MGMT: variants seen among roughly 807,000 people sequenced by gnomAD.
MGMT encodes the protein O-6-methylguanine-DNA methyltransferase.
Under a neutral mutation model 15.9 loss-of-function variants are expected in MGMT, and 14 were observed. That is an observed-to-expected ratio of 0.88 (90% CI 0.58 to 1.37). The LOEUF (loss-of-function observed/expected upper bound fraction) is 1.37. Ranked by LOEUF, MGMT falls within the 40% of genes most tolerant of loss-of-function variation. The pLI, the probability that MGMT is intolerant of heterozygous loss-of-function variation, is 0.00. For missense variants in MGMT, 282 were observed against 268.1 expected (o/e 1.05, Z -0.36); for synonymous variants, 130 against 118.2 (o/e 1.10, Z -0.65).
At chr10:129,671,120 C>G (rs1847717207) in intron 2 of MGMT, among the ~76,000 whole-genome samples, 1 of 152,180 alleles carries the variant, frequency 6.6e-6, no homozygotes, top group Non-Finnish European at 1.5e-5. Context: ...AGCTGGCTGT[C>G]AAACACACCC....
chr10:129,696,715 C>T (rs908533236), intron 2 of MGMT, among the ~76,000 whole-genome samples: 22 of 152,198 alleles, frequency 1.4e-4, no homozygotes, highest in African/African-American at 5.1e-4. Flanking sequence ...TGTGCTGGGT[C>T]GGAGCCGAGG....
At chr10:129,642,223 G>C (rs946947574) in intron 2 of MGMT, among the ~76,000 whole-genome samples, 1 of 152,066 alleles carries the variant, frequency 6.6e-6, no homozygotes, top group Non-Finnish European at 1.5e-5. Flanking sequence ...GCGGGCGGGC[G>C]GGCGTAGGGG....
At chr10:129,683,284 A>G (rs1214401817) in intron 2 of MGMT, among the ~76,000 whole-genome samples, 1 of 152,232 alleles carries the variant, frequency 6.6e-6, no homozygotes, top group Non-Finnish European at 1.5e-5. Flanking sequence ...TTGTAATGAA[A>G]GTGAGCCCTA....
chr10:129,736,337 A>T (rs1189869632), intron 3 of MGMT, among the ~76,000 whole-genome samples: 2 of 151,430 alleles, frequency 1.3e-5, no homozygotes, highest in African/African-American at 4.9e-5. Flanking sequence ...GTCTCTTTTG[A>T]TCTTTGTTGG....
At chr10:129,762,813 A>C (rs564875590) in intron 4 of MGMT, among the ~76,000 whole-genome samples, 72 of 152,090 alleles carry the variant, frequency 4.7e-4, no homozygotes, top group African/African-American at 1.6e-3. Context: ...ACTTAGCATC[A>C]TGTTCTAAGT....
chr10:129,678,265 G>A (rs998103114), intron 2 of MGMT, among the ~76,000 whole-genome samples: 29 of 150,602 alleles, frequency 1.9e-4, no homozygotes, highest in African/African-American at 6.7e-4. Flanking sequence ...ACCAGTGGTG[G>A]CTGCCTTTGT....
chr10:129,730,595 G>A (rs959194981), intron 3 of MGMT, among the ~76,000 whole-genome samples: 3 of 152,164 alleles, frequency 2.0e-5, no homozygotes, highest in Non-Finnish European at 2.9e-5. Flanking sequence ...AATGAAATTC[G>A]CAGAATTCCT....
chr10:129,709,718 G>A (rs1038204911), intron 3 of MGMT, among the ~76,000 whole-genome samples: 4 of 152,136 alleles, frequency 2.6e-5, no homozygotes, highest in African/African-American at 9.7e-5. Flanking sequence ...GAAAAACATA[G>A]GGGCAAAAGT....
At chr10:129,570,617 T>C (rs994447906) in intron 2 of MGMT, among the ~76,000 whole-genome samples, 2 of 152,268 alleles carry the variant, frequency 1.3e-5, no homozygotes, top group African/African-American at 4.8e-5. Context: ...CTGTTTTTCA[T>C]ATCTGGCAGA....
In MGMT at chr10:129,629,770, G is replaced by T. The variant is rs370025342; in HGVS notation, c.126-78125G>T. Among the ~76,000 whole-genome samples the T allele has an allele frequency of 5.9e-5, 9 of 152,288 alleles. No individual in the cohort carries two copies. The East Asian group carries it at 1.7e-3, about 29-fold the overall frequency. ...TTTCCCCATCCATCAAAACCACAGT[G>T]CAGGTTTTCACTGATGGGACATAGG... On this transcript the variant is annotated intron_variant, in intron 2 of 4. Coordinates refer to ENST00000651593, the MANE Select transcript of MGMT (RefSeq NM_002412.5).
chr10:129,470,200 A>C (rs536120506), intron 1 of MGMT, among the ~76,000 whole-genome samples: 1 of 152,238 alleles, frequency 6.6e-6, no homozygotes, highest in African/African-American at 2.4e-5. Flanking sequence ...GCTGTGCAGG[A>C]GGGTCCTTGG....
chr10:129,536,755 AT>A (rs1845989473), intron 2 of MGMT: 1 of 158,250 alleles, frequency 6.3e-6, no homozygotes, highest in African/African-American at 2.4e-5. Flanking sequence ...ATTAATCTTG[AT>A]TAAAAAAAAA....
rs558388205 is a variant in MGMT, at chr10:129,566,067, T to C, written c.125+29690T>C. On this transcript the variant is annotated intron_variant, in intron 2 of 4. Coordinates refer to ENST00000651593, the MANE Select transcript of MGMT (RefSeq NM_002412.5). This position sits in a 1 kb window ranked among gnomAD's most constrained non-coding sequence, Gnocchi z 4.1. ...AGCTCTGTTCCTTCTTCAGCTCCTC[T>C]GGTCATTCACACGTGGCCTGGCCAC... is the stretch of plus-strand genomic sequence containing the variant. Among the ~76,000 whole-genome samples the C allele has an allele frequency of 6.6e-6, 1 of 152,334 alleles. No individual in the cohort carries two copies. The highest frequency in any genetic ancestry group is 2.1e-4 in the South Asian group (1 of 4,822).
intron 2 of MGMT, among the ~76,000 whole-genome samples, chr10:129,607,631 A>G (rs1846907888): frequency 1.3e-5 from 2 of 152,100 alleles, no homozygotes; most frequent in South Asian, 4.1e-4. Context: ...ATATATTACA[A>G]ATTGCTGGAA....
intron 1 of MGMT, among the ~76,000 whole-genome samples, chr10:129,522,393 T>C (rs1242028384): frequency 1.3e-5 from 2 of 152,184 alleles, no homozygotes; most frequent in Non-Finnish European, 2.9e-5. Context: ...TCCTTTCCTG[T>C]GTGGGTGTGT....
At chr10:129,652,840 C>G (rs1020902439) in intron 2 of MGMT, among the ~76,000 whole-genome samples, 2 of 152,242 alleles carry the variant, frequency 1.3e-5, no homozygotes, top group East Asian at 3.8e-4. Context: ...GCCCGTGCAC[C>G]CATGCAGCTG....
intron 2 of MGMT, among the ~76,000 whole-genome samples, chr10:129,645,118 C>CCTTTTTTT (rs1847371719): frequency 8.2e-6 from 1 of 121,950 alleles, no homozygotes; most frequent in African/African-American, 3.2e-5. Flanking sequence ...CCTGAAAGCC[C>CCTTTTTTT]TTTTTTTTTT....
intron 2 of MGMT, among the ~76,000 whole-genome samples, chr10:129,601,801 C>T (rs747848253): frequency 2.6e-5 from 4 of 152,156 alleles, no homozygotes; most frequent in Non-Finnish European, 4.4e-5. Flanking sequence ...TGCTGGTGGG[C>T]GTGCAGGGCT....
intron 2 of MGMT, among the ~76,000 whole-genome samples, chr10:129,626,921 A>C (rs1264516136): frequency 6.6e-6 from 1 of 152,200 alleles, no homozygotes; most frequent in African/African-American, 2.4e-5. Flanking sequence ...AGCAGAGTAC[A>C]TAGTGCAAGA....
Sources: allele counts gnomAD v4.1 joint callset (sites outside exome capture counted in the v4.1 genomes callset), GRCh38; gene constraint gnomAD v4.1.1; non-coding constraint Gnocchi (gnomAD v3.1); transcripts MANE v1.5; gene names NCBI Gene and HGNC (gene_info 2026-07-23, HGNC 2026-07-21).